Variants in NALF1 observed in about 807,000 individuals in gnomAD.
NALF1 encodes the protein NALCN channel auxiliary factor 1.
In NALF1, 3 loss-of-function variants were observed where a neutral mutation model predicts 48.4. The observed-to-expected ratio is 0.06, with a 90% CI of 0.03 to 0.16. The LOEUF (loss-of-function observed/expected upper bound fraction) is 0.16. NALF1 is among the 10% of genes least tolerant of loss of function. The pLI is 1.00. For synonymous variants in NALF1, 262 were observed against 245.7 expected (o/e 1.07, Z -0.62); for missense variants, 526 against 571.5 (o/e 0.92, Z 0.81).
chr13:107,375,631 T>G (rs1023484131), intron 1 of NALF1, among the ~76,000 whole-genome samples: 1 of 152,158 alleles, frequency 6.6e-6, no homozygotes, highest in East Asian at 1.9e-4. Flanking sequence ...AGCTTTGATT[T>G]TGAATTATCA....
chr13:107,358,743 A>C (rs1883008050), intron 1 of NALF1, among the ~76,000 whole-genome samples: 1 of 152,144 alleles, frequency 6.6e-6, no homozygotes, highest in Non-Finnish European at 1.5e-5. Flanking sequence ...AACATTCTCC[A>C]TGTGACATCT....
chr13:107,270,341 T>G (rs1358317933), intron 1 of NALF1, among the ~76,000 whole-genome samples: 2 of 152,152 alleles, frequency 1.3e-5, no homozygotes, highest in Non-Finnish European at 2.9e-5. Context: ...TATGTTAATT[T>G]TTAAGTGGGG....
At chr13:107,645,946 G>A (rs1395869010) in intron 1 of NALF1, among the ~76,000 whole-genome samples, 1 of 152,016 alleles carries the variant, frequency 6.6e-6, no homozygotes, top group Non-Finnish European at 1.5e-5. Flanking sequence ...TCTGACTCTT[G>A]GTAGCCACTC....
intron 1 of NALF1, among the ~76,000 whole-genome samples, chr13:107,639,542 T>C (rs991386362): frequency 6.6e-6 from 1 of 152,178 alleles, no homozygotes. Flanking sequence ...ACCCTGTCTG[T>C]ACTAGCTGTT....
intron 1 of NALF1, among the ~76,000 whole-genome samples, chr13:107,334,468 T>G (rs1882521466): frequency 6.6e-6 from 1 of 152,060 alleles, no homozygotes; most frequent in African/African-American, 2.4e-5. Flanking sequence ...CTTCATATCT[T>G]CTTTGATTTG....
In NALF1 at chr13:107,752,488, T is replaced by C. The variant is rs147154073; in HGVS notation, c.915+113194A>G. Among the ~76,000 whole-genome samples the C allele has an allele frequency of 2.5e-3, 385 of 152,112 alleles. 3 individuals carry two copies. Among genetic ancestry groups the C allele is most frequent in the African/African-American group, 8.6e-3 (357 of 41,514 alleles). ...TGACAGATAAATGGATAGAACAAAATATGGTGTGGGTGTGTGTGTAATGGA... is the reference window on the plus strand; with the variant it reads ...TGACAGATAAATGGATAGAACAAAACATGGTGTGGGTGTGTGTGTAATGGA... On this transcript the variant is annotated intron_variant, in intron 1 of 2. Transcript: ENST00000375915.
At chr13:107,182,688 T>G (rs949572849) in intron 2 of NALF1, among the ~76,000 whole-genome samples, 2 of 152,238 alleles carry the variant, frequency 1.3e-5, no homozygotes, top group African/African-American at 4.8e-5. Context: ...ATTTGTCTAC[T>G]TAATGAAGAT....
intron 1 of NALF1, among the ~76,000 whole-genome samples, chr13:107,800,257 C>T (rs1878564807): frequency 6.6e-6 from 1 of 152,140 alleles, no homozygotes; most frequent in Non-Finnish European, 1.5e-5. Context: ...AAATTAAAGA[C>T]TGAGCAAAGC....
intron 1 of NALF1, among the ~76,000 whole-genome samples, chr13:107,355,575 T>C (rs1250619052): frequency 6.6e-6 from 1 of 152,062 alleles, no homozygotes; most frequent in Non-Finnish European, 1.5e-5. Flanking sequence ...GCTTCCCCCT[T>C]GCTGCTCTCA....
intron 1 of NALF1, among the ~76,000 whole-genome samples, chr13:107,360,790 T>C (rs1461444828): frequency 1.3e-5 from 2 of 152,190 alleles, no homozygotes; most frequent in East Asian, 3.8e-4. Flanking sequence ...AATGCAACAA[T>C]TGTAATAGGC....
intron 1 of NALF1, among the ~76,000 whole-genome samples, chr13:107,426,863 A>G (rs1288035936): frequency 1.3e-5 from 2 of 152,152 alleles, no homozygotes; most frequent in Non-Finnish European, 2.9e-5. Context: ...ATCTTGAGTC[A>G]TAAAATAATT....
chr13:107,282,306 A>G lies in NALF1; in HGVS notation c.916-71551T>C, dbSNP rs150332440. Among the ~76,000 whole-genome samples, 11 of 152,344 alleles carry G rather than the reference A, an allele frequency of 7.2e-5. 1 individual carries two copies. Among genetic ancestry groups the G allele is most frequent in the Non-Finnish European group, 1.2e-4 (8 of 68,028 alleles). ...AGTGATAAGCGAATGCTTGCTATGA[A>G]TGTTATCCAGAGAGCAAATCCTATA... is the stretch of plus-strand genomic sequence containing the variant. On this transcript the variant is annotated intron_variant, in intron 1 of 2. Coordinates refer to ENST00000375915, the MANE Select transcript of NALF1 (RefSeq NM_001080396.3).
intron 1 of NALF1, among the ~76,000 whole-genome samples, chr13:107,361,549 A>G (rs1883060710): frequency 6.6e-6 from 1 of 152,334 alleles, no homozygotes; most frequent in East Asian, 1.9e-4. Flanking sequence ...ATGGAAAAAA[A>G]GTGAGGGAGT....
Position 107,459,249 on chromosome 13 carries a change from T to C in NALF1, c.916-248494A>G, listed in dbSNP as rs138173469. ...ACAACGAACCCAATGAAAATAGGGG[T>C]TTTTAAGATCAGAACAGACACCTCA... is the stretch of plus-strand genomic sequence containing the variant. On this transcript the variant is annotated intron_variant, in intron 1 of 2. Transcript: ENST00000375915. Among the ~76,000 whole-genome samples the C allele has an allele frequency of 5.6e-3, 829 of 148,584 alleles. 10 individuals are homozygous for C. Among genetic ancestry groups the C allele is most frequent in the African/African-American group, 0.019 (783 of 40,198 alleles).
intron 1 of NALF1, among the ~76,000 whole-genome samples, chr13:107,468,080 C>G (rs552469870): frequency 5.9e-4 from 89 of 151,042 alleles, no homozygotes; most frequent in African/African-American, 2.1e-3. Context: ...TTAAAATCAG[C>G]AACTGTCTGG....
intron 1 of NALF1, among the ~76,000 whole-genome samples, chr13:107,275,981 G>T (rs1271048613): frequency 6.6e-6 from 1 of 152,062 alleles, no homozygotes; most frequent in Non-Finnish European, 1.5e-5. Context: ...CAACTGGGGG[G>T]TCTCAGTTCT....
At chr13:107,800,819 G>A (rs1043358390) in intron 1 of NALF1, among the ~76,000 whole-genome samples, 1 of 150,420 alleles carries the variant, frequency 6.6e-6, no homozygotes, top group Admixed American at 6.6e-5. Flanking sequence ...AGTTGCTAAT[G>A]AAATAACATC....
At chr13:107,797,198 T>TTTTTC (rs936857175) in intron 1 of NALF1, among the ~76,000 whole-genome samples, 1 of 151,952 alleles carries the variant, frequency 6.6e-6, no homozygotes, top group Non-Finnish European at 1.5e-5. Context: ...TCACCTCCCA[T>TTTTTC]TTTTCTTTTC....
chr13:107,274,387 G>A lies in NALF1; in HGVS notation c.916-63632C>T, dbSNP rs375663326. ...GGAGTTTAAGATCAACCTGGGAAAC[G>A]AAATGGGACCCCATCTCTACCAAAA... On this transcript the variant is annotated intron_variant, in intron 1 of 2. Coordinates refer to ENST00000375915, the MANE Select transcript of NALF1 (RefSeq NM_001080396.3). Among the ~76,000 whole-genome samples the A allele has an allele frequency of 2.8e-4, 43 of 152,130 alleles. No individual in the cohort carries two copies. In the East Asian group the frequency reaches 6.6e-3, roughly 23 times the overall value.
Sources: gnomAD v4.1 joint callset for allele counts (sites outside exome capture counted in the v4.1 genomes callset) on GRCh38, gnomAD v4.1.1 for gene constraint, MANE v1.5 for transcripts, NCBI Gene and HGNC (gene_info 2026-07-23, HGNC 2026-07-21) for gene names.